The following RANBP17 variants were observed in gnomAD, a reference collection of about 807,000 sequenced individuals.
RANBP17 encodes RAN binding protein 17.
A neutral mutation model predicts 141.2 loss-of-function variants in RANBP17; 158 were observed. That is an observed-to-expected ratio of 1.12 (90% CI 0.98 to 1.28). The LOEUF (loss-of-function observed/expected upper bound fraction) is 1.28, where lower values mean the gene tolerates loss of function less well. Ranked by LOEUF, RANBP17 falls within the 50% of genes most tolerant of loss-of-function variation. The pLI is 0.00. For missense variants in RANBP17, 1,438 were observed against 1,290.7 expected, an observed-to-expected ratio of 1.11 and a Z score of -1.75; for synonymous variants, 430 against 450.0, an observed-to-expected ratio of 0.96 and a Z score of 0.56.
chr5:171,249,149 A>G (rs564417717), intron 24 of RANBP17, among the ~76,000 whole-genome samples: 1 of 152,322 alleles, frequency 6.6e-6, no homozygotes, highest in Admixed American at 6.5e-5. Context: ...CCTCCAAGAA[A>G]GTTACAGAAA....
At chr5:170,901,206 A>G (rs1770609162) in intron 5 of RANBP17, among the ~76,000 whole-genome samples, 1 of 152,154 alleles carries the variant, frequency 6.6e-6, no homozygotes, top group Non-Finnish European at 1.5e-5. Context: ...TATTGGATGC[A>G]TGTATATTTA....
chr5:171,056,261 C>G (rs1009507417), intron 14 of RANBP17, among the ~76,000 whole-genome samples: 1 of 152,136 alleles, frequency 6.6e-6, no homozygotes, highest in Non-Finnish European at 1.5e-5. Flanking sequence ...TCTAATGCCA[C>G]AGTCTCCAAA....
At chr5:171,080,204 G>A (rs1785177590) in intron 14 of RANBP17, among the ~76,000 whole-genome samples, 1 of 151,456 alleles carries the variant, frequency 6.6e-6, no homozygotes, top group Admixed American at 6.6e-5. Flanking sequence ...ATTACTTGGG[G>A]CGATACTAGT....
chr5:170,949,367 A>G (rs1775022315), intron 12 of RANBP17, among the ~76,000 whole-genome samples: 1 of 152,172 alleles, frequency 6.6e-6, no homozygotes, highest in South Asian at 2.1e-4. Context: ...TACATAAATA[A>G]TTATTACAAC....
chr5:170,984,863 T>G (rs1467522385), intron 14 of RANBP17, among the ~76,000 whole-genome samples: 2 of 152,174 alleles, frequency 1.3e-5, no homozygotes, highest in Non-Finnish European at 2.9e-5. Context: ...GTATTATTTT[T>G]TATATTAAAT....
intron 14 of RANBP17, among the ~76,000 whole-genome samples, chr5:171,075,774 G>A (rs774212788): frequency 4.6e-5 from 7 of 152,060 alleles, no homozygotes; most frequent in South Asian, 2.1e-4. Flanking sequence ...CCACGATGGC[G>A]AAACCCTGTC....
chr5:171,006,158 T>C (rs535732285), intron 14 of RANBP17, among the ~76,000 whole-genome samples: 1 of 152,180 alleles, frequency 6.6e-6, no homozygotes, highest in African/African-American at 2.4e-5. Flanking sequence ...GGACTGTAAA[T>C]TAGTTCAACC....
At chr5:170,944,157 CTG>C (rs1774562646) in intron 12 of RANBP17, among the ~76,000 whole-genome samples, 1 of 152,086 alleles carries the variant, frequency 6.6e-6, no homozygotes, top group Non-Finnish European at 1.5e-5. Flanking sequence ...TTAACATTTA[CTG>C]TTTTGAACAC....
intron 25 of RANBP17, among the ~76,000 whole-genome samples, chr5:171,282,668 C>T (rs1162059600): frequency 1.3e-5 from 2 of 152,056 alleles, no homozygotes; most frequent in African/African-American, 2.4e-5. Context: ...TTAGTAGAGA[C>T]GGGGTTTCAC....
In RANBP17 at chr5:170,878,157, A is replaced by G; in HGVS notation, c.79A>G (p.Arg27Gly). Residue 27 changes from arginine (R) to glycine (G), a missense_variant, in exon 2 of 28, where the codon AGA becomes GGA. Arg to Gly is a moderately radical substitution (Grantham distance 125, BLOSUM62 -2). Transcript: ENST00000523189. ...HLYIGTDLTQ[R>G]IEAEKALLEL... ...CTACATAGGGACTGATCTTACACAA[A>G]GAATAGAGGCTGAGAAAGCACTCTT... 1 of 1,612,994 alleles carries G rather than the reference A, an allele frequency of 6.2e-7. No individual in the cohort carries two copies.
At chr5:170,881,713 A>G (rs1277298731) in intron 2 of RANBP17, 93 bp from the exon 3 acceptor site, 2 of 888,328 alleles carry the variant, frequency 2.3e-6, no homozygotes, top group African/African-American at 1.7e-5. Context: ...GAAAACCGGA[A>G]GAATTTCTGT....
chr5:171,153,990 G>A (rs976098794), intron 14 of RANBP17, among the ~76,000 whole-genome samples: 2 of 151,536 alleles, frequency 1.3e-5, no homozygotes. Context: ...TCACGCCACT[G>A]CACTCCAGCC....
intron 27 of RANBP17, among the ~76,000 whole-genome samples, chr5:171,297,770 CTT>C (rs1168690067): frequency 1.4e-5 from 2 of 146,980 alleles, no homozygotes; most frequent in Non-Finnish European, 3.0e-5. Context: ...TGAAGACTGA[CTT>C]TTTTCCGTGT....
chr5:171,022,580 C>G (rs576916858), intron 14 of RANBP17, among the ~76,000 whole-genome samples: 2 of 152,360 alleles, frequency 1.3e-5, no homozygotes, highest in South Asian at 4.1e-4. Flanking sequence ...CACAGTCTGC[C>G]ACAGCCGGTG....
At chr5:171,071,951 G>A (rs1784659954) in intron 14 of RANBP17, among the ~76,000 whole-genome samples, 1 of 152,022 alleles carries the variant, frequency 6.6e-6, no homozygotes, top group Non-Finnish European at 1.5e-5. Flanking sequence ...GAAAAGTCAA[G>A]TGCTGAATGG....
chr5:170,878,076 T>G, intron 1 of RANBP17, 21 bp from the exon 2 acceptor site: 1 of 1,529,102 alleles, frequency 6.5e-7, no homozygotes, highest in Non-Finnish European at 8.8e-7. Context: ...AAGTAAAATG[T>G]TAATTTTTTT....
At position 170,979,142 on chromosome 5, in the gene RANBP17, G is replaced by GGTAAAAATAAATA. The variant is rs1426976213; in HGVS notation, c.1710+10765_1710+10766insGTAAAAATAAATA. Among the ~76,000 whole-genome samples the GGTAAAAATAAATA allele has an allele frequency of 1.1e-4, 17 of 152,262 alleles. No individual in the cohort carries two copies. The East Asian group carries it at 3.3e-3, about 29-fold the overall frequency. On this transcript the variant is annotated intron_variant, in intron 14 of 27. Transcript: ENST00000523189. ...ATTCTACCTATGGTAAAAATAATAT[G>GGTAAAAATAAATA]TGCATGGGATTAGTAAACACTAAAT...
chr5:171,140,837 T>A (rs147270230), intron 14 of RANBP17, among the ~76,000 whole-genome samples: 1 of 152,314 alleles, frequency 6.6e-6, no homozygotes, highest in Admixed American at 6.5e-5. Context: ...ACTCTTACAT[T>A]ACTGTGAAGG....
chr5:171,085,275 A>C (rs1288176491), intron 14 of RANBP17, among the ~76,000 whole-genome samples: 4 of 143,496 alleles, frequency 2.8e-5, no homozygotes, highest in Non-Finnish European at 6.1e-5. Flanking sequence ...ATAGTTGTAG[A>C]TATGCAGCGT....
Sources: gnomAD v4.1 joint callset for allele counts (sites outside exome capture counted in the v4.1 genomes callset) on GRCh38, gnomAD v4.1.1 for gene constraint, MANE v1.5 for transcripts, NCBI Gene and HGNC (gene_info 2026-07-23, HGNC 2026-07-21) for gene names.